Variants in WDR59 observed in about 807,000 individuals in gnomAD.
The protein encoded by WDR59 is WD repeat domain 59.
A neutral mutation model predicts 131.2 loss-of-function variants in WDR59; 100 were observed. The ratio of observed to expected loss-of-function variants is 0.76; its 90% CI spans 0.65 to 0.90. The LOEUF (loss-of-function observed/expected upper bound fraction) is 0.90. WDR59 is among the 40% of genes least tolerant of loss of function. The pLI, the probability that WDR59 is intolerant of heterozygous loss-of-function variation, is 0.00. For synonymous variants in WDR59, 601 were observed against 466.2 expected (o/e 1.29, Z -3.72); for missense variants, 1,203 against 1,262.2 (o/e 0.95, Z 0.71).
chr16:74,975,603 G>A (rs2034149159), intron 1 of WDR59, among the ~76,000 whole-genome samples: 1 of 150,960 alleles, frequency 6.6e-6, no homozygotes, highest in Non-Finnish European at 1.5e-5. Context: ...GGTGGAGGAT[G>A]CACTGAGCCG....
chr16:74,973,929 G>T (rs2034085554), intron 1 of WDR59, among the ~76,000 whole-genome samples: 1 of 151,986 alleles, frequency 6.6e-6, no homozygotes, highest in Non-Finnish European at 1.5e-5. Context: ...TAGCACTTTG[G>T]GAGGCTGAAG....
At chr16:74,889,966 G>C (rs570631299) in intron 20 of WDR59, 151 bp from the exon 21 acceptor site, 32 of 582,942 alleles carry the variant, frequency 5.5e-5, no homozygotes, top group African/African-American at 4.3e-4. Context: ...CATAAGTTTA[G>C]GCCCCACTTA....
chr16:74,971,316 T>C (rs1041507050), intron 1 of WDR59, among the ~76,000 whole-genome samples: 4 of 152,018 alleles, frequency 2.6e-5, no homozygotes, highest in Non-Finnish European at 4.4e-5. Flanking sequence ...ATGAACAAAA[T>C]TTTGTTTCTG....
chr16:74,984,729 C>A (rs1218459455), intron 1 of WDR59: 1 of 580,308 alleles, frequency 1.7e-6, no homozygotes, highest in Non-Finnish European at 3.1e-6. Flanking sequence ...CAAGGCGGAC[C>A]CCACTCCCCT....
intron 2 of WDR59, among the ~76,000 whole-genome samples, chr16:74,961,115 A>T (rs2033545158): frequency 6.6e-6 from 1 of 151,000 alleles, no homozygotes; most frequent in Admixed American, 6.7e-5. Context: ...AGATCAGCCT[A>T]GGCAACACAG....
At chr16:74,926,371 T>C (rs2030814936) in intron 8 of WDR59, among the ~76,000 whole-genome samples, 2 of 152,144 alleles carry the variant, frequency 1.3e-5, no homozygotes, top group African/African-American at 4.8e-5. Flanking sequence ...GTATAATCAT[T>C]GTTCCAGAGG....
intron 1 of WDR59, among the ~76,000 whole-genome samples, chr16:74,976,662 C>G (rs1012059617): frequency 2.0e-5 from 3 of 152,042 alleles, no homozygotes; most frequent in Non-Finnish European, 4.4e-5. Context: ...AGGATGGTCT[C>G]GATCTTCTGA....
intron 1 of WDR59, among the ~76,000 whole-genome samples, chr16:74,982,714 G>A (rs1299292063): frequency 6.6e-6 from 1 of 152,206 alleles, no homozygotes; most frequent in African/African-American, 2.4e-5. Flanking sequence ...CCTAGGGAGA[G>A]CAGGTCTCAC....
intron 25 of WDR59, among the ~76,000 whole-genome samples, chr16:74,876,329 A>G (rs1368096234): frequency 6.6e-6 from 1 of 152,194 alleles, no homozygotes; most frequent in Non-Finnish European, 1.5e-5. Context: ...AACTTTGGTT[A>G]TGTTCTCATG....
intron 6 of WDR59, among the ~76,000 whole-genome samples, chr16:74,945,757 C>T (rs1597773705): frequency 6.6e-6 from 1 of 152,098 alleles, no homozygotes; most frequent in East Asian, 1.9e-4. Context: ...GTGAGTCACT[C>T]CCGGTACAGT....
At chr16:74,961,506 G>A (rs1371162773) in intron 2 of WDR59, among the ~76,000 whole-genome samples, 1 of 152,076 alleles carries the variant, frequency 6.6e-6, no homozygotes, top group Non-Finnish European at 1.5e-5. Flanking sequence ...GCGAGAGATG[G>A]TCTCTCATTG....
intron 4 of WDR59, among the ~76,000 whole-genome samples, chr16:74,950,786 A>C (rs1228068484): frequency 6.6e-6 from 1 of 152,160 alleles, no homozygotes; most frequent in Non-Finnish European, 1.5e-5. Flanking sequence ...ACTCCCTGAC[A>C]TCCACATGTC....
intron 25 of WDR59, among the ~76,000 whole-genome samples, chr16:74,881,460 G>C (rs1033436216): frequency 3.3e-5 from 5 of 151,788 alleles, no homozygotes; most frequent in African/African-American, 1.2e-4. Flanking sequence ...CCAAAGTGTT[G>C]GGATTACAGG....
chr16:74,922,105 T>G lies in WDR59; in HGVS notation c.730-2A>C. 6.2e-7 allele frequency: 1 copy of G among 1,614,018 alleles called. No individual in the cohort carries two copies. The highest frequency in any genetic ancestry group is 8.5e-7 in the Non-Finnish European group (1 of 1,179,970). On this transcript the variant is annotated splice_acceptor_variant, in intron 9 of 25. Coordinates refer to ENST00000262144, the MANE Select transcript of WDR59 (RefSeq NM_030581.4). LOFTEE classifies it high-confidence loss of function. ...AGTCACCAATCCATTGCTGAAAGGC[T>G]AAGGCAGGGAAGGGAAAAGCAGGTG... is the stretch of plus-strand genomic sequence containing the variant.
At chr16:74,907,113 C>A (rs1246771446) in intron 17 of WDR59, among the ~76,000 whole-genome samples, 1 of 149,418 alleles carries the variant, frequency 6.7e-6, no homozygotes, top group Non-Finnish European at 1.5e-5. Context: ...GTACTGAACC[C>A]CAGTTCCCAT....
chr16:74,937,450 T>C (rs1483444450), intron 8 of WDR59, among the ~76,000 whole-genome samples: 2 of 152,180 alleles, frequency 1.3e-5, no homozygotes, highest in African/African-American at 4.8e-5. Flanking sequence ...CTTTTCTCCT[T>C]TACTTATATC....
chr16:74,939,811 G>C (rs2032076749), intron 7 of WDR59, among the ~76,000 whole-genome samples: 1 of 151,910 alleles, frequency 6.6e-6, no homozygotes, highest in Admixed American at 6.6e-5. Flanking sequence ...AACACAGTAA[G>C]ATTCCCATCT....
intron 8 of WDR59, chr16:74,930,892 C>CAAAAAAAAAAAAAAAAAAAAACA: frequency 1.3e-5 from 1 of 79,628 alleles, no homozygotes; most frequent in African/African-American, 5.2e-5. Flanking sequence ...GACTCCATCT[C>CAAAAAAAAAAAAAAAAAAAAACA]AAAAAAAAAA....
In WDR59 at chr16:74,874,239, C is replaced by T. The variant is rs573257218; in HGVS notation, c.2895G>A (p.Gly965=). 6.4e-5 allele frequency: 104 copies of T among 1,614,132 alleles called. 2 individuals are homozygous for T. In the South Asian group the frequency reaches 1.1e-3, roughly 17 times the overall value. ...AAGTGCTTTCAAGCAGGCAGTGGCACCCACACCCGGTGGGACACACCTCCT... is the reference window on the plus strand; with the variant it reads ...AAGTGCTTTCAAGCAGGCAGTGGCATCCACACCCGGTGGGACACACCTCCT... ...RTQEVCPTGC[G]CHCLLESTF Residue 965 remains glycine (G), a synonymous_variant, in exon 26 of 26, where the codon GGG becomes GGA. Coordinates refer to ENST00000262144, the MANE Select transcript of WDR59 (RefSeq NM_030581.4).
Sources: allele counts gnomAD v4.1 joint callset (sites outside exome capture counted in the v4.1 genomes callset), GRCh38; gene constraint gnomAD v4.1.1; transcripts MANE v1.5; gene names NCBI Gene and HGNC (gene_info 2026-07-23, HGNC 2026-07-21).